SYT16: variants seen among roughly 807,000 people sequenced by gnomAD.
SYT16 encodes synaptotagmin-16.
SYT16 carries 42 observed loss-of-function variants against 61.4 expected under a neutral mutation model. The ratio of observed to expected loss-of-function variants is 0.68; its 90% CI spans 0.53 to 0.89. The LOEUF (loss-of-function observed/expected upper bound fraction) is 0.89, where lower values mean the gene tolerates loss of function less well. SYT16 is among the 40% of genes least tolerant of loss of function. The probability of loss-of-function intolerance (pLI) is 0.00; values close to 1 mark genes in which losing one functional copy is unlikely to be tolerated. For missense variants in SYT16, 804 were observed against 807.3 expected (o/e 1.00, Z 0.05); for synonymous variants, 314 against 302.3 (o/e 1.04, Z -0.40).
At chr14:62,051,354 C>G (rs2055284506) in intron 3 of SYT16, among the ~76,000 whole-genome samples, 1 of 152,220 alleles carries the variant, frequency 6.6e-6, no homozygotes, top group African/African-American at 2.4e-5. Context: ...ACCCGATTTT[C>G]CAGGTGCCAT....
chr14:61,888,018 A>G (rs2047974667), intron 1 of SYT16, among the ~76,000 whole-genome samples: 1 of 152,006 alleles, frequency 6.6e-6, no homozygotes, highest in Non-Finnish European at 1.5e-5. Flanking sequence ...ACTCAGCTTT[A>G]TCATTTTTAT....
chr14:61,816,592 T>G (rs992493316), intron 1 of SYT16, among the ~76,000 whole-genome samples: 3 of 152,208 alleles, frequency 2.0e-5, no homozygotes, highest in African/African-American at 7.2e-5. Context: ...CCATGGATGC[T>G]GAACTGTTAT....
chr14:62,110,436 G>A lies in SYT16; in HGVS notation c.*9729G>A, dbSNP rs566157099. 2.6e-5 allele frequency: 4 copies of A among 152,224 alleles called. No homozygotes were observed. In the South Asian group the frequency reaches 8.3e-4, roughly 32 times the overall value. 9.4% of individuals were successfully genotyped at this position (152,224 alleles called of 1,614,324 possible). A position where few individuals can be genotyped will look rare whatever the true frequency, so the allele number is the denominator to read the frequency against. The stretch of plus-strand genomic sequence containing the variant: ...GTGATAGATGGAAAGACGTTTTGCA[G>A]AATTTTTGAAGACTTGCAATGTTTT... On this transcript the variant is annotated 3_prime_UTR_variant, in exon 8 of 8. Transcript: ENST00000683842.
intron 5 of SYT16, chr14:62,077,722 A>AT (rs1232499555): frequency 6.6e-6 from 1 of 152,220 alleles, no homozygotes; most frequent in Non-Finnish European, 1.5e-5. Flanking sequence ...AAATACCAGC[A>AT]TTCACAAATC....
intron 1 of SYT16, among the ~76,000 whole-genome samples, chr14:61,814,955 A>C (rs2045383033): frequency 2.0e-5 from 3 of 152,240 alleles, no homozygotes; most frequent in Admixed American, 2.0e-4. Context: ...TCCCAGATAC[A>C]GAATTCTTTA....
At chr14:62,088,964 T>G (rs914071315) in intron 7 of SYT16, among the ~76,000 whole-genome samples, 5 of 152,150 alleles carry the variant, frequency 3.3e-5, no homozygotes, top group African/African-American at 1.2e-4. Flanking sequence ...ACTTTTTTTT[T>G]TTTTTAATTA....
intron 3 of SYT16, among the ~76,000 whole-genome samples, chr14:62,021,561 G>A (rs958143153): frequency 1.3e-5 from 2 of 151,620 alleles, no homozygotes; most frequent in African/African-American, 4.9e-5. Flanking sequence ...AGGATTTTCT[G>A]TCCTTCCCCC....
In SYT16 at chr14:62,081,274, C is replaced by T. The variant is rs1224581554; in HGVS notation, c.1434C>T (p.Ser478=). ...TTCTGGAGCCAAGAAGTAATATAAG[C>T]GTGAGTATGTTAAATGGTGCTGCTA... The part of the protein sequence containing the change: ...TLVLEPRSNI[S]SGGSPLSPSA... Residue 478 remains serine (S), a splice_region_variant and synonymous_variant, in exon 6 of 8, where the codon AGC becomes AGT. Coordinates refer to ENST00000683842, the MANE Select transcript of SYT16 (RefSeq NM_001367656.1). 3.1e-6 allele frequency: 5 copies of T among 1,611,868 alleles called. No homozygotes were observed. Among genetic ancestry groups the T allele is most frequent in the South Asian group, 2.2e-5 (2 of 90,588 alleles).
In SYT16 at chr14:61,822,640, C is replaced by G. The variant is rs182815857; in HGVS notation, c.-325+9830C>G. Among the ~76,000 whole-genome samples, 344 of 152,286 alleles carry G rather than the reference C, an allele frequency of 2.3e-3. 1 individual carries two copies. Among genetic ancestry groups the G allele is most frequent in the Non-Finnish European group, 3.6e-3 (248 of 68,026 alleles). ...GGAAGGGTAATTTTTGGTGTTTGAG[C>G]TGCTATTGGGGAAGTCCATCTGAAT... On this transcript the variant is annotated intron_variant, in intron 1 of 7. Coordinates refer to ENST00000683842, the MANE Select transcript of SYT16 (RefSeq NM_001367656.1).
At chr14:61,846,128 G>C (rs1372534075) in intron 1 of SYT16, among the ~76,000 whole-genome samples, 9 of 152,168 alleles carry the variant, frequency 5.9e-5, no homozygotes, top group African/African-American at 1.9e-4. Flanking sequence ...TTCTGCAGCT[G>C]TTGGATGAAA....
intron 3 of SYT16, among the ~76,000 whole-genome samples, chr14:62,040,045 A>G (rs1230885119): frequency 6.6e-6 from 1 of 150,494 alleles, no homozygotes; most frequent in Non-Finnish European, 1.5e-5. Context: ...TTTCTCTTTT[A>G]CTGTGTTGGC....
At chr14:61,965,744 A>G (rs1363042374) in intron 1 of SYT16, among the ~76,000 whole-genome samples, 1 of 152,182 alleles carries the variant, frequency 6.6e-6, no homozygotes. Context: ...AGCTGAAGAA[A>G]TAGTAATGTA....
intron 3 of SYT16, among the ~76,000 whole-genome samples, chr14:62,040,617 T>C (rs1204504184): frequency 6.6e-6 from 1 of 152,240 alleles, no homozygotes; most frequent in East Asian, 1.9e-4. Flanking sequence ...GTTTTTTTCT[T>C]TCTGCATTTA....
chr14:62,034,464 A>T (rs1223038946), intron 3 of SYT16, among the ~76,000 whole-genome samples: 1 of 152,218 alleles, frequency 6.6e-6, no homozygotes, highest in Non-Finnish European at 1.5e-5. Context: ...ATGTCCATCA[A>T]CTGATGAATG....
At chr14:61,902,730 AAATTT>A (rs139157052) in intron 1 of SYT16, among the ~76,000 whole-genome samples, 636 of 152,320 alleles carry the variant, frequency 4.2e-3, no homozygotes, top group Non-Finnish European at 6.6e-3. Flanking sequence ...TAAGGGACTC[AAATTT>A]CCACATGGCT....
chr14:61,945,843 G>A (rs564845555), intron 1 of SYT16, among the ~76,000 whole-genome samples: 26 of 118,930 alleles, frequency 2.2e-4, no homozygotes, highest in Admixed American at 5.9e-4. Flanking sequence ...GCGACAGAGC[G>A]AGACTCCGTC....
At chr14:62,084,578 G>A (rs1040040814) in intron 7 of SYT16, among the ~76,000 whole-genome samples, 193 bp downstream of exon 7, 1 of 152,198 alleles carries the variant, frequency 6.6e-6, no homozygotes, top group Non-Finnish European at 1.5e-5. Context: ...CTATCTAGAT[G>A]TTTCTGGACA....
intron 1 of SYT16, among the ~76,000 whole-genome samples, chr14:61,926,748 T>C (rs1190809701): frequency 6.6e-6 from 1 of 152,138 alleles, no homozygotes; most frequent in Non-Finnish European, 1.5e-5. Context: ...ATACATTCTA[T>C]GAATATATTT....
At chr14:61,817,013 AC>A (rs200296683) in intron 1 of SYT16, among the ~76,000 whole-genome samples, 8,999 of 143,082 alleles carry the variant, frequency 0.063, 371 homozygotes, top group Non-Finnish European at 0.084. Flanking sequence ...TCCGTCACAC[AC>A]ACACACACAC....
Sources: allele counts gnomAD v4.1 joint callset (sites outside exome capture counted in the v4.1 genomes callset), GRCh38; gene constraint gnomAD v4.1.1; transcripts MANE v1.5; gene names NCBI Gene and HGNC (gene_info 2026-07-23, HGNC 2026-07-21).